Variants in HIVEP3 observed in about 807,000 individuals in gnomAD.
The protein encoded by HIVEP3 is transcription factor HIVEP3.
A neutral mutation model predicts 152.8 loss-of-function variants in HIVEP3; 49 were observed. The ratio of observed to expected loss-of-function variants is 0.32; its 90% confidence interval spans 0.26 to 0.41. HIVEP3 has a LOEUF of 0.41. Ranked by LOEUF, HIVEP3 falls within the 10% of genes least tolerant of loss-of-function variation. HIVEP3 has a pLI of 1.00. For missense variants in HIVEP3, 2,790 were observed against 3,103.3 expected (o/e 0.90, Z 2.40); for synonymous variants, 1,269 against 1,289.0 (o/e 0.98, Z 0.33).
chr1:41,556,602 T>C (rs572232381), intron 5 of HIVEP3, among the ~76,000 whole-genome samples: 3 of 152,370 alleles, frequency 2.0e-5, no homozygotes, highest in Admixed American at 2.0e-4. Context: ...ATTCTGTTGA[T>C]AGTGTCCTTT....
chr1:41,994,186 C>G (rs1645381382), intron 1 of HIVEP3, among the ~76,000 whole-genome samples: 1 of 151,410 alleles, frequency 6.6e-6, no homozygotes, highest in East Asian at 1.9e-4. Context: ...GAAAAAAAAT[C>G]CTCTCTGGAG....
chr1:41,943,188 G>A (rs1368495362), intron 1 of HIVEP3, among the ~76,000 whole-genome samples: 2 of 152,052 alleles, frequency 1.3e-5, no homozygotes, highest in African/African-American at 4.8e-5. Flanking sequence ...TTACAGGCAT[G>A]AGCCACCACG....
intron 2 of HIVEP3, among the ~76,000 whole-genome samples, chr1:41,676,327 G>A (rs1287182287): frequency 6.6e-6 from 1 of 152,214 alleles, no homozygotes; most frequent in African/African-American, 2.4e-5. Flanking sequence ...TGGGATTACA[G>A]GCGTGAGCCA....
chr1:41,519,682 G>T (rs1321308042), intron 6 of HIVEP3, among the ~76,000 whole-genome samples: 1 of 152,172 alleles, frequency 6.6e-6, no homozygotes, highest in Admixed American at 6.5e-5. Flanking sequence ...TAAGCCTCCT[G>T]GAGTGGATGA....
intron 1 of HIVEP3, among the ~76,000 whole-genome samples, chr1:41,818,889 GGTGTTAA>G (rs1281412967): frequency 6.6e-6 from 1 of 152,128 alleles, no homozygotes; most frequent in Non-Finnish European, 1.5e-5. Flanking sequence ...GTGAGGGAGA[GGTGTTAA>G]GTAATTCTGG....
At position 41,575,663 on chromosome 1, in the gene HIVEP3, C is replaced by A; in HGVS notation, c.5088G>T (p.Pro1696=). The change falls in exon 5 of 9, where the codon CCG becomes CCT. Residue 1696 remains proline, a synonymous_variant. Transcript: ENST00000372583. The part of the protein sequence containing the change: ...TEVHLPSLVS[P]EGQKDLARVE... ...CTCTAGCTAGATCTTTCTGGCCTTC[C>A]GGGGAAACCAGTGAAGGGAGGTGAA... 1 of 1,614,102 alleles carries A rather than the reference C, an allele frequency of 6.2e-7. No homozygotes were observed.
intron 1 of HIVEP3, among the ~76,000 whole-genome samples, chr1:41,865,011 A>G (rs1643943304): frequency 6.6e-6 from 1 of 152,222 alleles, no homozygotes; most frequent in African/African-American, 2.4e-5. Context: ...TGGGACAGTT[A>G]AACAGCAAGG....
chr1:41,902,148 G>C (rs894396121), intron 1 of HIVEP3, among the ~76,000 whole-genome samples: 1 of 152,176 alleles, frequency 6.6e-6, no homozygotes, highest in Non-Finnish European at 1.5e-5. Flanking sequence ...AGTTTAAGTG[G>C]AGGCTTAGGG....
chr1:41,652,524 C>T (rs1645566567), intron 2 of HIVEP3, among the ~76,000 whole-genome samples: 1 of 152,116 alleles, frequency 6.6e-6, no homozygotes, highest in African/African-American at 2.4e-5. Context: ...TGAGGCAGGG[C>T]CCAGGATGGC....
At chr1:41,831,988 G>A (rs921843957) in intron 1 of HIVEP3, among the ~76,000 whole-genome samples, 5 of 152,104 alleles carry the variant, frequency 3.3e-5, no homozygotes, top group African/African-American at 1.2e-4. Context: ...GGACAGTCAG[G>A]GTCTAGAGCG....
In HIVEP3 at chr1:41,753,817, A is replaced by G. The variant is rs142805200; in HGVS notation, c.-800-52822T>C. On this transcript the variant is annotated intron_variant, in intron 1 of 8. Coordinates refer to ENST00000372583, the MANE Select transcript of HIVEP3 (RefSeq NM_024503.5). ...GCAGGCATCATGTGCCAGGCAGTGT[A>G]TTAGACATTAGGCATACAGCAGCCG... 1.3e-3 allele frequency among the ~76,000 whole-genome samples: 199 copies of G among 152,306 alleles called. 4 individuals are homozygous for G. In the East Asian group the frequency reaches 0.034, roughly 26 times the overall value.
intron 2 of HIVEP3, among the ~76,000 whole-genome samples, chr1:41,696,646 G>GC (rs964484145): frequency 5.3e-5 from 8 of 152,218 alleles, no homozygotes; most frequent in African/African-American, 1.9e-4. Context: ...GGCAGCTGCT[G>GC]CCTCTTGTTC....
chr1:41,682,807 A>G (rs146720101), intron 2 of HIVEP3, among the ~76,000 whole-genome samples: 1 of 152,222 alleles, frequency 6.6e-6, no homozygotes, highest in African/African-American at 2.4e-5. Context: ...TCCTTCCAAT[A>G]GACACCTTCC....
intron 1 of HIVEP3, among the ~76,000 whole-genome samples, chr1:41,806,739 C>A (rs1650640648): frequency 6.6e-6 from 1 of 152,076 alleles, no homozygotes; most frequent in Admixed American, 6.5e-5. Flanking sequence ...AGGGCCGGGG[C>A]CAGCGGGACC....
At chr1:41,639,136 T>C (rs1195857842) in intron 2 of HIVEP3, among the ~76,000 whole-genome samples, 1 of 152,240 alleles carries the variant, frequency 6.6e-6, no homozygotes, top group Non-Finnish European at 1.5e-5. Flanking sequence ...GGGATGAATC[T>C]TTCTATTTTC....
At chr1:41,816,248 C>T (rs1462327828) in intron 1 of HIVEP3, among the ~76,000 whole-genome samples, 2 of 152,170 alleles carry the variant, frequency 1.3e-5, no homozygotes, top group African/African-American at 2.4e-5. Context: ...TCTTGTGTGG[C>T]ATTTTGCTTA....
intron 1 of HIVEP3, among the ~76,000 whole-genome samples, chr1:41,871,678 A>G (rs1644082406): frequency 6.6e-6 from 1 of 152,258 alleles, no homozygotes; most frequent in South Asian, 2.1e-4. Flanking sequence ...TAATTTCACT[A>G]TCTACGTGAA....
At chr1:41,551,311 C>T (rs1181550809) in intron 5 of HIVEP3, among the ~76,000 whole-genome samples, 1 of 148,928 alleles carries the variant, frequency 6.7e-6, no homozygotes, top group Non-Finnish European at 1.5e-5. Context: ...CATCGATGTT[C>T]ATCAGGGATA....
chr1:41,573,942 C>G (rs188076784), intron 5 of HIVEP3, among the ~76,000 whole-genome samples: 1 of 152,128 alleles, frequency 6.6e-6, no homozygotes, highest in Admixed American at 6.5e-5. Context: ...GATGTTCCCC[C>G]TCCTTCAGCC....
Sources: gnomAD v4.1 joint callset for allele counts (sites outside exome capture counted in the v4.1 genomes callset) on GRCh38, gnomAD v4.1.1 for gene constraint, MANE v1.5 for transcripts, NCBI Gene and HGNC (gene_info 2026-07-23, HGNC 2026-07-21) for gene names.